Variants in PTPRD observed in about 807,000 individuals in gnomAD.
PTPRD encodes protein tyrosine phosphatase receptor type D.
Under a neutral mutation model 214.5 loss-of-function variants are expected in PTPRD, and 34 were observed. The ratio of observed to expected loss-of-function variants is 0.16; its 90% CI spans 0.12 to 0.21. The LOEUF is 0.21. Among genes scored for constraint, PTPRD ranks in the 10% least tolerant of loss-of-function variants. The pLI is 1.00. For synonymous variants in PTPRD, 1,128 were observed against 845.7 expected (o/e 1.33, Z -5.79); for missense variants, 2,545 against 2,398.7 (o/e 1.06, Z -1.27).
intron 7 of PTPRD, among the ~76,000 whole-genome samples, chr9:9,640,631 A>G (rs2095909327): frequency 6.6e-6 from 1 of 152,202 alleles, no homozygotes; most frequent in East Asian, 1.9e-4. Context: ...TAATCATTAG[A>G]AGAATTTTTA....
chr9:10,579,627 T>A (rs1239558942), intron 2 of PTPRD, among the ~76,000 whole-genome samples: 2 of 152,220 alleles, frequency 1.3e-5, no homozygotes, highest in African/African-American at 4.8e-5. Context: ...TTTGGATATA[T>A]ACCCAGTAAT....
chr9:8,391,301 G>C (rs1289025763), intron 36 of PTPRD, among the ~76,000 whole-genome samples: 1 of 152,132 alleles, frequency 6.6e-6, no homozygotes, highest in African/African-American at 2.4e-5. Context: ...TGCACTCTGA[G>C]ATGAACACAC....
At chr9:8,907,517 CAAA>C (rs60277757) in intron 11 of PTPRD, among the ~76,000 whole-genome samples, 2,829 of 79,608 alleles carry the variant, frequency 0.036, 91 homozygotes, top group African/African-American at 0.12. Flanking sequence ...GACTCCGTCT[CAAA>C]AAAAAAAAAA....
chr9:8,768,631 G>C (rs1041915638), intron 11 of PTPRD, among the ~76,000 whole-genome samples: 1 of 152,046 alleles, frequency 6.6e-6, no homozygotes, highest in Admixed American at 6.6e-5. Flanking sequence ...CAGCTAAAAA[G>C]TAAAAAATGT....
chr9:8,946,488 T>A (rs1196210113), intron 11 of PTPRD, among the ~76,000 whole-genome samples: 1 of 152,102 alleles, frequency 6.6e-6, no homozygotes, highest in Non-Finnish European at 1.5e-5. Context: ...AAGGATTAAG[T>A]GATATATGAA....
chr9:10,024,728 C>T (rs1271321199), intron 4 of PTPRD, among the ~76,000 whole-genome samples: 1 of 150,218 alleles, frequency 6.7e-6, no homozygotes, highest in Non-Finnish European at 1.5e-5. Flanking sequence ...GTGCTGCACC[C>T]ATTAACTCGT....
At chr9:9,530,114 C>T (rs1243067752) in intron 8 of PTPRD, among the ~76,000 whole-genome samples, 1 of 151,772 alleles carries the variant, frequency 6.6e-6, no homozygotes, top group South Asian at 2.1e-4. Flanking sequence ...CAAGAACAAA[C>T]CAAACTCAAA....
chr9:10,303,573 A>C (rs941937137), intron 3 of PTPRD, among the ~76,000 whole-genome samples: 1 of 152,184 alleles, frequency 6.6e-6, no homozygotes, highest in African/African-American at 2.4e-5. Flanking sequence ...AAAAATAATA[A>C]AGGGGATATC....
intron 35 of PTPRD, among the ~76,000 whole-genome samples, chr9:8,416,144 C>T (rs2093918493): frequency 6.6e-6 from 1 of 151,878 alleles, no homozygotes; most frequent in Non-Finnish European, 1.5e-5. Flanking sequence ...TGGAAATAGC[C>T]TTAATATAAT....
intron 7 of PTPRD, among the ~76,000 whole-genome samples, chr9:9,692,142 G>A (rs1283072107): frequency 6.6e-6 from 1 of 151,948 alleles, no homozygotes; most frequent in East Asian, 1.9e-4. Context: ...GATTCCATTT[G>A]TCCATTTTTG....
At chr9:9,419,280 A>G (rs1041065313) in intron 8 of PTPRD, among the ~76,000 whole-genome samples, 2 of 151,612 alleles carry the variant, frequency 1.3e-5, no homozygotes, top group Admixed American at 6.6e-5. Flanking sequence ...ATATATTCAG[A>G]TAATTAAAAA....
At chr9:10,293,320 A>G (rs972753868) in intron 3 of PTPRD, among the ~76,000 whole-genome samples, 6 of 151,938 alleles carry the variant, frequency 3.9e-5, no homozygotes, top group African/African-American at 1.4e-4. Flanking sequence ...TCCTTAGACT[A>G]ATATGCAGTT....
intron 5 of PTPRD, among the ~76,000 whole-genome samples, chr9:9,772,323 AC>A (rs1273508996): frequency 6.6e-6 from 1 of 152,146 alleles, no homozygotes; most frequent in African/African-American, 2.4e-5. Context: ...ATGAAAACAT[AC>A]ATTTCTGTGG....
In PTPRD at chr9:10,482,114, G is replaced by A. The variant is rs569765820; in HGVS notation, c.-600+130284C>T. Among the ~76,000 whole-genome samples the A allele has an allele frequency of 3.2e-4, 48 of 152,272 alleles. 1 individual carries two copies. The South Asian group carries it at 6.0e-3, about 19-fold the overall frequency. On this transcript the variant is annotated intron_variant, in intron 2 of 45. Transcript: ENST00000381196. The stretch of plus-strand genomic sequence containing the variant: ...TGGCCGGGCGCGGTGGCTCACGCCT[G>A]TAATCCCAGCATTTTGGGAGGCCCA...
At chr9:9,955,814 G>A (rs571431875) in intron 4 of PTPRD, among the ~76,000 whole-genome samples, 46 of 152,200 alleles carry the variant, frequency 3.0e-4, no homozygotes, top group African/African-American at 9.6e-4. Context: ...GAGCCACCAC[G>A]CCCGGCCTAT....
chr9:10,337,826 G>A (rs1014967478), intron 3 of PTPRD, among the ~76,000 whole-genome samples: 1 of 151,622 alleles, frequency 6.6e-6, no homozygotes, highest in African/African-American at 2.4e-5. Flanking sequence ...AGCAAATGGT[G>A]GAACCCACAA....
intron 11 of PTPRD, among the ~76,000 whole-genome samples, chr9:8,964,188 C>CTCTTTT (rs1567272381): frequency 3.7e-5 from 3 of 80,640 alleles, no homozygotes; most frequent in Non-Finnish European, 6.6e-5. Flanking sequence ...TAGTTCAGGG[C>CTCTTTT]TGTGTTTTTT....
chr9:8,443,758 G>C (rs148555287), intron 34 of PTPRD, among the ~76,000 whole-genome samples: 207 of 152,260 alleles, frequency 1.4e-3, no homozygotes, highest in Non-Finnish European at 2.1e-3. Context: ...GGAAGGTAAT[G>C]ATTGGTGCAC....
At chr9:9,947,576 T>G (rs1314239742) in intron 4 of PTPRD, among the ~76,000 whole-genome samples, 3 of 46,612 alleles carry the variant, frequency 6.4e-5, no homozygotes, top group Non-Finnish European at 1.0e-4. Context: ...ATATATATAT[T>G]ATATATATAT....
Sources: gnomAD v4.1 joint callset for allele counts (sites outside exome capture counted in the v4.1 genomes callset) on GRCh38, gnomAD v4.1.1 for gene constraint, MANE v1.5 for transcripts, NCBI Gene and HGNC (gene_info 2026-07-23, HGNC 2026-07-21) for gene names.